MUC6: variants seen among roughly 807,000 people sequenced by gnomAD.
The protein encoded by MUC6 is mucin 6, oligomeric mucus/gel-forming (gene/pseudogene), also known as mucin-6.
A neutral mutation model predicts 201.5 loss-of-function variants in MUC6; 188 were observed. That is an observed-to-expected ratio of 0.93 (90% CI 0.83 to 1.05). The LOEUF (loss-of-function observed/expected upper bound fraction) is 1.05. Ranked by LOEUF, MUC6 falls within the 50% of genes least tolerant of loss-of-function variation. The pLI, the probability that MUC6 is intolerant of heterozygous loss-of-function variation, is 0.00. For missense variants in MUC6, 2,706 were observed against 3,256.9 expected (o/e 0.83, Z 4.12); for synonymous variants, 1,228 against 1,389.4 (o/e 0.88, Z 2.58).
intron 26 of MUC6, among the ~76,000 whole-genome samples, chr11:1,022,591 C>T (rs1177393794): frequency 1.3e-5 from 2 of 152,210 alleles, no homozygotes; most frequent in African/African-American, 2.4e-5. Flanking sequence ...CCATGGTGGG[C>T]GCCTCGGCCG....
intron 15 of MUC6, 57 bp from the exon 16 acceptor site, chr11:1,027,874 G>C: frequency 5.7e-6 from 9 of 1,588,486 alleles, no homozygotes; most frequent in Non-Finnish European, 7.7e-6. Flanking sequence ...GGGGACATGG[G>C]GGTCCCAAAC....
At chr11:1,032,232 C>T (rs1857122710) in intron 2 of MUC6, among the ~76,000 whole-genome samples, 179 bp from the exon 3 acceptor site, 1 of 152,196 alleles carries the variant, frequency 6.6e-6, no homozygotes, top group Admixed American at 6.5e-5. Flanking sequence ...GGCCAGGAGT[C>T]AGCACCGCTG....
In MUC6 at chr11:1,027,535, A is replaced by G; in HGVS notation, c.1982-18T>C. 3.1e-6 allele frequency: 5 copies of G among 1,611,412 alleles called. No individual in the cohort carries two copies. Among genetic ancestry groups the G allele is most frequent in the Non-Finnish European group, 4.2e-6 (5 of 1,179,136 alleles). The stretch of plus-strand genomic sequence containing the variant: ...GGGGATGGCTGTGGGGGACCCGGGC[A>G]TCAGACTCTCCGGGAGGGGGCGGCC... On this transcript the variant is annotated intron_variant, in intron 16 of 32. Transcript: ENST00000421673.
rs757447532 is a variant in MUC6, at chr11:1,027,498, G to A, written c.2001C>T (p.Asn667=). ...CTTGGCTGTTGTAGCTGAAGGTGGT[G>A]TTACCCGTGCAGGGGATGGCTGTGG... ...VDNCTIPCTG[N]TTFSYNSQAC... is the part of the protein sequence containing the mutation. The change falls in exon 17 of 33, where the codon AAC becomes AAT. Residue 667 remains asparagine, a synonymous_variant. Coordinates refer to ENST00000421673, the MANE Select transcript of MUC6 (RefSeq NM_005961.3). The A allele has an allele frequency of 1.3e-5, 21 of 1,612,410 alleles. No homozygotes were observed. Among genetic ancestry groups the A allele is most frequent in the African/African-American group, 2.7e-5 (2 of 74,910 alleles).
chr11:1,018,909 C>T, intron 30 of MUC6, 139 bp from the exon 31 acceptor site: 1 of 1,125,022 alleles, frequency 8.9e-7, no homozygotes, highest in Non-Finnish European at 1.2e-6. Flanking sequence ...CTGCTGGGCA[C>T]TCCAGCCTGC....
rs1857012215 is a variant in MUC6, at chr11:1,028,219, C to T, written c.1753+7G>A. The T allele has an allele frequency of 1.9e-6, 3 of 1,563,300 alleles. No homozygotes were observed. In the East Asian group the frequency reaches 7.2e-5, roughly 37 times the overall value. On this transcript the variant is annotated splice_region_variant and intron_variant, in intron 14 of 32. Transcript: ENST00000421673. Reference sequence around the variant, plus strand: ...GCAGCCAGGGGAGTGGGGGGCCGGACACTCACTGTTGAGCTGGCTCATGGA... The same window carrying T: ...GCAGCCAGGGGAGTGGGGGGCCGGATACTCACTGTTGAGCTGGCTCATGGA...
rs544087668 is a variant in MUC6, at chr11:1,016,011, A to G, written c.6790T>C (p.Phe2264Leu). 2 of 1,605,830 alleles carry G rather than the reference A, an allele frequency of 1.2e-6. No individual in the cohort carries two copies. Among genetic ancestry groups the G allele is most frequent in the East Asian group, 2.2e-5 (1 of 44,730 alleles). ...CGCGAGGTGGTGGACTGAGAGGAGA[A>G]GGCAGGGGCGGTGTGGGTGCTGGCC... Reference protein sequence around the residue: ...TTASTHTAPAFSSQSTTSRST... With the variant: ...TTASTHTAPALSSQSTTSRST... The change falls in exon 31 of 33, where the codon TTC becomes CTC. Residue 2264 changes from phenylalanine (F) to leucine (L), a missense_variant. Transcript: ENST00000421673.
In MUC6 at chr11:1,030,589, C is replaced by G; in HGVS notation, c.876G>C (p.Arg292=). The change falls in exon 7 of 33, where the codon CGG becomes CGC. Residue 292 remains arginine (R), a synonymous_variant. Coordinates refer to ENST00000421673, the MANE Select transcript of MUC6 (RefSeq NM_005961.3). ...SMVGQPVRRW[R]SPGLCSVGQC... is the part of the protein sequence containing the mutation. ...TGGACTCACAGCACAGGCCGGGGCT[C>G]CGCCAGCGGCGGACCGGCTGGCCCA... 6.6e-7 allele frequency: 1 copy of G among 1,522,314 alleles called. No individual in the cohort carries two copies. The highest frequency in any genetic ancestry group is 8.8e-7 in the Non-Finnish European group (1 of 1,135,266). 94.3% of individuals were successfully genotyped at this position (1,522,314 alleles called of 1,614,324 possible).
In MUC6 at chr11:1,031,866, C is replaced by T; in HGVS notation, c.303G>A (p.Leu101=). The change falls in exon 3 of 33, where the codon CTG becomes CTA. Residue 101 remains leucine, a synonymous_variant. Transcript: ENST00000421673. ...DGSISRIIVE[L]GASVVTVSEA... ...CGCTCACAGTGACGACGGAGGCCCC[C>T]AGCTCCACGATGATCCGCGAGATGC... is the stretch of plus-strand genomic sequence containing the variant. 6.2e-7 allele frequency: 1 copy of T among 1,612,834 alleles called. No homozygotes were observed. Among genetic ancestry groups the T allele is most frequent in the Non-Finnish European group, 8.5e-7 (1 of 1,179,872 alleles).
At chr11:1,029,687 G>C in intron 8 of MUC6, 72 bp from the exon 9 acceptor site, 2 of 1,489,686 alleles carry the variant, frequency 1.3e-6, no homozygotes, top group Non-Finnish European at 1.8e-6. Context: ...TGGCTCCAGG[G>C]AGACGCCCCC....
chr11:1,031,178 T>C lies in MUC6; in HGVS notation c.565A>G (p.Ser189Gly). The change falls in exon 5 of 33, where the codon AGT becomes GGT. Residue 189 changes from serine (S) to glycine (G), a missense_variant. Around this residue, in one of 10 missense-constraint regions of MUC6, gnomAD observed 1,850 missense variants for 1,958.3 expected, o/e 0.94. Transcript: ENST00000421673. The part of the protein sequence containing the change: ...FDGKVTNEFV[S>G]EEGKFLEPHK... Reference sequence around the variant, plus strand: ...CCCTGCCCCCACCTACCCTCCTCACTGACAAACTCGTTGGTCACCTTCCCG... The same window carrying C: ...CCCTGCCCCCACCTACCCTCCTCACCGACAAACTCGTTGGTCACCTTCCCG... 2 of 1,093,218 alleles carry C rather than the reference T, an allele frequency of 1.8e-6. No individual in the cohort carries two copies. The highest frequency in any genetic ancestry group is 2.5e-6 in the Non-Finnish European group (2 of 802,778). The allele number at this position is 1,093,218 out of a possible 1,614,324, so 67.7% of individuals were successfully genotyped here.
At position 1,031,138 on chromosome 11, in the gene MUC6, C is replaced by T; in HGVS notation, c.574+31G>A. Reference sequence around the variant, plus strand: ...CCCTGCCCCCCACCTAGAGGCCCCCCCAGAGGCCCCCCAGCCCTGCCCCCA... The same window carrying T: ...CCCTGCCCCCCACCTAGAGGCCCCCTCAGAGGCCCCCCAGCCCTGCCCCCA... On this transcript the variant is annotated intron_variant, in intron 5 of 32. Coordinates refer to ENST00000421673, the MANE Select transcript of MUC6 (RefSeq NM_005961.3). 4 of 1,369,822 alleles carry T rather than the reference C, an allele frequency of 2.9e-6. No homozygotes were observed. In the South Asian group the frequency reaches 5.4e-5, roughly 18 times the overall value. The allele number at this position is 1,369,822 out of a possible 1,614,324, so 84.9% of individuals were successfully genotyped here.
rs1237692268 is a variant in MUC6, at chr11:1,029,155, G to A, written c.1276-5C>T. Reference sequence around the variant, plus strand: ...GTCCTCGGGAAGCTGGGGGCTCTGCGAGGGGGCGGGGCTCAGACACGGGTG... The same window carrying A: ...GTCCTCGGGAAGCTGGGGGCTCTGCAAGGGGGCGGGGCTCAGACACGGGTG... On this transcript the variant is annotated splice_region_variant and splice_polypyrimidine_tract_variant and intron_variant, in intron 10 of 32. Coordinates refer to ENST00000421673, the MANE Select transcript of MUC6 (RefSeq NM_005961.3). 25 of 1,610,100 alleles carry A rather than the reference G, an allele frequency of 1.6e-5. No homozygotes were observed. The highest frequency in any genetic ancestry group is 1.8e-5 in the Non-Finnish European group (21 of 1,178,830).
chr11:1,016,000 C>T lies in MUC6; in HGVS notation c.6801G>A (p.Gln2267=), dbSNP rs997310927. The part of the protein sequence containing the change: ...STHTAPAFSS[Q]STTSRSTSLT... ...GAGAAGTGGACCGCGAGGTGGTGGA[C>T]TGAGAGGAGAAGGCAGGGGCGGTGT... The change falls in exon 31 of 33, where the codon CAG becomes CAA. Residue 2267 remains glutamine, a synonymous_variant. Transcript: ENST00000421673. 7 of 1,603,240 alleles carry T rather than the reference C, an allele frequency of 4.4e-6. No homozygotes were observed. The highest frequency in any genetic ancestry group is 1.7e-4 in the Middle Eastern group (1 of 6,036).
chr11:1,024,082 CGTA>C lies in MUC6; in HGVS notation c.3244_3246del (p.Tyr1082del). 6.2e-7 allele frequency: 1 copy of C among 1,612,880 alleles called. No homozygotes were observed. Among genetic ancestry groups the C allele is most frequent in the Non-Finnish European group, 8.5e-7 (1 of 1,179,762 alleles). ...CCACATGCGTCGCGCACGCAGGCCT[CGTA>C]GTAGGGCAGGTGGTATACCTGCAGG... On this transcript the variant is annotated inframe_deletion, in exon 25 of 33. Coordinates refer to ENST00000421673, the MANE Select transcript of MUC6 (RefSeq NM_005961.3).
chr11:1,033,770 A>C lies in MUC6; in HGVS notation c.53-695T>G, dbSNP rs1857162009. 6.8e-6 allele frequency among the ~76,000 whole-genome samples: 1 copy of C among 146,248 alleles called. No individual in the cohort carries two copies. Among genetic ancestry groups the C allele is most frequent in the African/African-American group, 2.6e-5 (1 of 39,188 alleles). ...CTGTACCCAGAGGGAGACTTTTCCC[A>C]CCTCTGGGTAACTCCCCGGACCCTG... On this transcript the variant is annotated intron_variant, in intron 1 of 32. Coordinates refer to ENST00000421673, the MANE Select transcript of MUC6 (RefSeq NM_005961.3). This position sits in a 1 kb window ranked among gnomAD's most constrained non-coding sequence, Gnocchi z 5.6.
intron 30 of MUC6, 101 bp from the exon 31 acceptor site, chr11:1,018,871 C>T (rs1427342713): frequency 2.8e-6 from 4 of 1,428,040 alleles, no homozygotes; most frequent in Non-Finnish European, 3.7e-6. Flanking sequence ...TCTTGCCTGT[C>T]TGTGCCTCTG....
Position 1,015,825 on chromosome 11 carries a change from G to T in MUC6, c.6976C>A (p.His2326Asn). 6.3e-7 allele frequency: 1 copy of T among 1,580,184 alleles called. No homozygotes were observed. The highest frequency in any genetic ancestry group is 8.6e-7 in the Non-Finnish European group (1 of 1,161,302). ...TRFLTSSLTAHGSTPASAPVS... is the reference protein window; with the variant it reads ...TRFLTSSLTANGSTPASAPVS... ...GGGGCAGAAGCAGGGGTGCTTCCAT[G>T]GGCAGTGAGGGAGCTGGTCAGGAAC... The change falls in exon 31 of 33, where the codon CAT becomes AAT. Residue 2326 changes from histidine to asparagine, a missense_variant. Physicochemically the swap from His to Asn is moderately conservative, Grantham distance 68 (BLOSUM62 1). This residue lies in a region of MUC6 where 586 missense variants were observed against 488.0 expected (regional missense o/e 1.20). Coordinates refer to ENST00000421673, the MANE Select transcript of MUC6 (RefSeq NM_005961.3).
chr11:1,015,652 G>A (rs560520523), intron 31 of MUC6, 110 bp downstream of exon 31: 75 of 1,451,344 alleles, frequency 5.2e-5, no homozygotes, highest in Non-Finnish European at 6.2e-5. Context: ...GGGAACAGGC[G>A]TGTGGTCCTG....
Sources: gnomAD v4.1 joint callset for allele counts (sites outside exome capture counted in the v4.1 genomes callset) on GRCh38, gnomAD v4.1.1 for gene constraint, gnomAD v4.1.1 regional missense constraint, Gnocchi (gnomAD v3.1) non-coding constraint, MANE v1.5 for transcripts, NCBI Gene and HGNC (gene_info 2026-07-23, HGNC 2026-07-21) for gene names.